ERG: variants seen among roughly 807,000 people sequenced by gnomAD.
ERG encodes ETS transcription factor ERG.
In ERG, 9 loss-of-function variants were observed where a neutral mutation model predicts 55.3. The observed-to-expected ratio is 0.16, with a 90% CI of 0.10 to 0.28. The LOEUF (loss-of-function observed/expected upper bound fraction) is 0.28, where lower values mean the gene tolerates loss of function less well. Among genes scored for constraint, ERG ranks in the 10% least tolerant of loss-of-function variants. The pLI, the probability that ERG is intolerant of heterozygous loss-of-function variation, is 1.00. For missense variants in ERG, 434 were observed against 631.6 expected, an observed-to-expected ratio of 0.69 and a Z score of 3.35; for synonymous variants, 223 against 237.3, an observed-to-expected ratio of 0.94 and a Z score of 0.55.
chr21:38,655,025 C>T lies in ERG; in HGVS notation c.-150+6633G>A, dbSNP rs544954386. Among the ~76,000 whole-genome samples, 280 of 152,284 alleles carry T rather than the reference C, an allele frequency of 1.8e-3. 2 individuals are homozygous for T. The highest frequency in any genetic ancestry group is 6.0e-3 in the African/African-American group (248 of 41,556). On this transcript the variant is annotated intron_variant, in intron 1 of 10. Coordinates refer to the ERG transcript ENST00000398910. ...TAAAAGAAATCTCAGCTTTCTGATA[C>T]ATTTAATTAAAAAGTTTTATGTTGA...
intron 2 of ERG, among the ~76,000 whole-genome samples, chr21:38,558,770 G>T (rs947649996): frequency 2.0e-5 from 3 of 152,148 alleles, no homozygotes; most frequent in African/African-American, 7.2e-5. Flanking sequence ...TGAGGGAAGA[G>T]TAAATGATTT....
chr21:38,430,738 CT>C (rs1410511091), intron 2 of ERG, among the ~76,000 whole-genome samples: 2 of 152,174 alleles, frequency 1.3e-5, no homozygotes, highest in Non-Finnish European at 2.9e-5. Flanking sequence ...CACCTCACAA[CT>C]CCCTAGCAAC....
intron 2 of ERG, among the ~76,000 whole-genome samples, chr21:38,541,926 T>TTAAAA (rs1440052812): frequency 2.0e-5 from 3 of 151,516 alleles, no homozygotes; most frequent in African/African-American, 7.3e-5. Context: ...TTAAATTAAA[T>TTAAAA]TTTTAAAAAG....
chr21:38,579,389 C>G (rs2060014154), intron 1 of ERG, among the ~76,000 whole-genome samples: 1 of 152,058 alleles, frequency 6.6e-6, no homozygotes, highest in Non-Finnish European at 1.5e-5. Flanking sequence ...CTTGAGGGAT[C>G]GAGATGGGAA....
intron 1 of ERG, among the ~76,000 whole-genome samples, chr21:38,606,117 ATAGG>A (rs1271322433): frequency 1.3e-5 from 2 of 152,188 alleles, no homozygotes; most frequent in South Asian, 2.1e-4. Context: ...AGATAGGTAG[ATAGG>A]TAGATAGATA....
At chr21:38,587,050 C>T (rs2060070118), upstream of ERG, among the ~76,000 whole-genome samples, 2 of 152,244 alleles carry the variant, frequency 1.3e-5, no homozygotes, top group Admixed American at 6.5e-5. Flanking sequence ...AAGACACATA[C>T]TGCATCCTCT....
intron 3 of ERG, among the ~76,000 whole-genome samples, chr21:38,406,019 G>A (rs986140590): frequency 6.6e-6 from 1 of 151,916 alleles, no homozygotes; most frequent in Non-Finnish European, 1.5e-5. Flanking sequence ...GTCGGGCATG[G>A]TGGCGGGTGC....
chr21:38,660,978 G>C (rs1013348735), intron 1 of ERG, among the ~76,000 whole-genome samples: 1 of 152,020 alleles, frequency 6.6e-6, no homozygotes, highest in Admixed American at 6.6e-5. Context: ...TTAGGACGCG[G>C]CTGGCGGCTC....
chr21:38,450,992 A>C (rs985971068), intron 1 of ERG: 1 of 437,690 alleles, frequency 2.3e-6, no homozygotes, highest in African/African-American at 2.0e-5. Flanking sequence ...TGTGAATGGA[A>C]TCATTCCCCA....
downstream of ERG, among the ~76,000 whole-genome samples, chr21:38,376,516 C>T (rs983107861): frequency 6.6e-5 from 10 of 152,230 alleles, no homozygotes; most frequent in African/African-American, 2.4e-4. Context: ...CTGGTCTGCC[C>T]ACTGCAGGCT....
chr21:38,488,144 A>G (rs2059303854), intron 1 of ERG, among the ~76,000 whole-genome samples: 1 of 152,124 alleles, frequency 6.6e-6, no homozygotes, highest in Non-Finnish European at 1.5e-5. Context: ...GGGTGAGAGA[A>G]GTGATTGTCT....
At chr21:38,608,621 T>A (rs2060209222) in intron 1 of ERG, among the ~76,000 whole-genome samples, 1 of 152,168 alleles carries the variant, frequency 6.6e-6, no homozygotes, top group Admixed American at 6.5e-5. Context: ...TGCCTGACAT[T>A]TAGTGGCCAG....
chr21:38,383,556 G>A lies in ERG; in HGVS notation c.1287C>T (p.Asn429=), dbSNP rs745911736. Residue 429 remains asparagine (N), a synonymous_variant, in exon 10 of 10, where the codon AAC becomes AAT. Coordinates refer to ENST00000288319, the MANE Select transcript of ERG (RefSeq NM_182918.4). The surrounding 1 kb of genome is among the most constrained non-coding windows in gnomAD (Gnocchi z 5.7). ...GGGCTGGAGGGTGGGGCGCCACAAA[G>A]TTCATCTTCTGTGGGTGGGCGTGAT... ...GSYHAHPQKM[N]FVAPHPPALP... is the part of the protein sequence containing the mutation. The A allele has an allele frequency of 6.3e-7, 1 of 1,596,364 alleles. No homozygotes were observed. Among genetic ancestry groups the A allele is most frequent in the Non-Finnish European group, 8.6e-7 (1 of 1,167,864 alleles).
chr21:38,406,163 A>AAAAAAAAAAAAAAAAAT (rs1214070987), intron 3 of ERG, among the ~76,000 whole-genome samples: 1 of 150,814 alleles, frequency 6.6e-6, no homozygotes, highest in East Asian at 2.0e-4. Context: ...TCAAAAAAAA[A>AAAAAAAAAAAAAAAAAT]AAAAAAAAAA....
At chr21:38,582,044 CAA>C (rs35717235) in intron 1 of ERG, among the ~76,000 whole-genome samples, 157 of 87,922 alleles carry the variant, frequency 1.8e-3, no homozygotes, top group Middle Eastern at 0.012. Context: ...CTCCATCTCA[CAA>C]AAAAAAAAAA....
At chr21:38,614,413 T>C (rs2060246984) in intron 1 of ERG, among the ~76,000 whole-genome samples, 1 of 152,182 alleles carries the variant, frequency 6.6e-6, no homozygotes, top group African/African-American at 2.4e-5. Context: ...AGGAGATGTA[T>C]GTAGACATCT....
chr21:38,379,975 G>A, downstream of ERG: 1 of 998,570 alleles, frequency 1.0e-6, no homozygotes, highest in Non-Finnish European at 1.2e-6. Context: ...ACAGGTGTGA[G>A]TCAACAAGAT....
intron 2 of ERG, among the ~76,000 whole-genome samples, chr21:38,434,899 G>A (rs936610064): frequency 2.0e-5 from 3 of 152,204 alleles, no homozygotes; most frequent in Admixed American, 6.5e-5. Flanking sequence ...ACTGTACCTC[G>A]GTGAACTCTT....
At chr21:38,642,570 T>A (rs1275583100) in intron 1 of ERG, among the ~76,000 whole-genome samples, 1 of 152,118 alleles carries the variant, frequency 6.6e-6, no homozygotes, top group Non-Finnish European at 1.5e-5. Context: ...TTTGCATAGG[T>A]TTCATCTTTC....
Sources: gnomAD v4.1 joint callset for allele counts (sites outside exome capture counted in the v4.1 genomes callset) on GRCh38, gnomAD v4.1.1 for gene constraint, Gnocchi (gnomAD v3.1) non-coding constraint, MANE v1.5 for transcripts, NCBI Gene and HGNC (gene_info 2026-07-23, HGNC 2026-07-21) for gene names.